Variants in PRKDC observed in about 807,000 individuals in gnomAD.
PRKDC encodes the protein DNA-dependent protein kinase catalytic subunit.
Under a neutral mutation model 486.9 loss-of-function variants are expected in PRKDC, and 82 were observed. The observed-to-expected ratio is 0.17, with a 90% confidence interval of 0.14 to 0.20. PRKDC has a LOEUF of 0.20. Among genes scored for constraint, PRKDC ranks in the 10% least tolerant of loss-of-function variants. PRKDC has a pLI of 1.00. For synonymous variants in PRKDC, 1,895 were observed against 1,837.0 expected, an observed-to-expected ratio of 1.03 and a Z score of -0.81; for missense variants, 4,504 against 5,038.2, an observed-to-expected ratio of 0.89 and a Z score of 3.21.
intron 27 of PRKDC, 35 bp downstream of exon 27, chr8:47,902,534 A>T: frequency 7.1e-7 from 1 of 1,414,074 alleles, no homozygotes; most frequent in Non-Finnish European, 9.3e-7. Context: ...TTTCAAAACC[A>T]CAAGTTTCTC....
At chr8:47,939,200 A>G (rs2090399259) in intron 11 of PRKDC, among the ~76,000 whole-genome samples, 1 of 152,226 alleles carries the variant, frequency 6.6e-6, no homozygotes, top group South Asian at 2.1e-4. Flanking sequence ...TTAACTGTTA[A>G]TAAACAATAC....
chr8:47,801,296 T>C (rs1192087218), intron 70 of PRKDC, among the ~76,000 whole-genome samples: 1 of 152,190 alleles, frequency 6.6e-6, no homozygotes, highest in Non-Finnish European at 1.5e-5. Flanking sequence ...GGTCTCGAAC[T>C]CCTGAGCTCT....
intron 54 of PRKDC, among the ~76,000 whole-genome samples, chr8:47,840,475 T>C (rs903661421): frequency 6.6e-6 from 1 of 152,348 alleles, no homozygotes; most frequent in African/African-American, 2.4e-5. Flanking sequence ...AATGTTCTAA[T>C]GTTAATTTCT....
At chr8:47,944,953 G>A (rs1017452722) in intron 7 of PRKDC, among the ~76,000 whole-genome samples, 12 of 152,242 alleles carry the variant, frequency 7.9e-5, no homozygotes, top group African/African-American at 2.9e-4. Context: ...TTCATGACAA[G>A]CAGATTTCTT....
At chr8:47,796,296 G>A (rs916730025) in intron 73 of PRKDC, among the ~76,000 whole-genome samples, 5 of 150,196 alleles carry the variant, frequency 3.3e-5, no homozygotes, top group Admixed American at 6.6e-5. Context: ...CCGAGATCAC[G>A]CCACTGCACT....
At chr8:47,925,997 C>T (rs1167414861) in intron 21 of PRKDC, among the ~76,000 whole-genome samples, 2 of 152,204 alleles carry the variant, frequency 1.3e-5, no homozygotes, top group Admixed American at 1.3e-4. Context: ...TCTCAATTAT[C>T]GAATCATCTA....
At chr8:47,805,988 A>G (rs536007587) in intron 69 of PRKDC, among the ~76,000 whole-genome samples, 31 of 152,228 alleles carry the variant, frequency 2.0e-4, no homozygotes, top group African/African-American at 6.7e-4. Context: ...GGAACCTTCA[A>G]TGGCCTCCTG....
In PRKDC at chr8:47,839,997, T is replaced by G; in HGVS notation, c.7454+19A>C. On this transcript the variant is annotated intron_variant, in intron 55 of 85. Transcript: ENST00000314191. ...ATCTCAAAAAAGTAACAAAATAAAA[T>G]AGTCAATGTATAGCTTACCTGTAAT... The G allele has an allele frequency of 6.7e-7, 1 of 1,498,986 alleles. No individual in the cohort carries two copies. The allele number at this position is 1,498,986 out of a possible 1,614,324, so 92.9% of individuals were successfully genotyped here.
intron 85 of PRKDC, 35 bp downstream of exon 85, chr8:47,776,783 TCCTCGAGAAACAGTAGCATGTCGGTA>T: frequency 6.3e-7 from 1 of 1,584,696 alleles, no homozygotes; most frequent in Admixed American, 1.8e-5. Context: ...ATATGTTGGC[TCCTCGAGAAACAGTAGCATGTCGGTA>T]GTCCGTTAGT....
chr8:47,880,284 C>A (rs1196371592), intron 38 of PRKDC, among the ~76,000 whole-genome samples: 1 of 152,160 alleles, frequency 6.6e-6, no homozygotes, highest in South Asian at 2.1e-4. Context: ...ATGTACTGTA[C>A]AAGCTTTGTG....
intron 22 of PRKDC, among the ~76,000 whole-genome samples, chr8:47,916,386 T>C (rs1389166391): frequency 1.3e-5 from 2 of 152,092 alleles, no homozygotes; most frequent in Middle Eastern, 6.8e-3. Flanking sequence ...AGGTGGAGGT[T>C]GCAGTGAGCA....
chr8:47,808,501 T>C (rs1470198401), intron 68 of PRKDC, among the ~76,000 whole-genome samples: 1 of 152,080 alleles, frequency 6.6e-6, no homozygotes, highest in Non-Finnish European at 1.5e-5. Flanking sequence ...CCTCACTATA[T>C]TGCCCAGCCT....
At chr8:47,931,523 T>G (rs780586774) in intron 16 of PRKDC, among the ~76,000 whole-genome samples, 2 of 151,996 alleles carry the variant, frequency 1.3e-5, no homozygotes, top group Non-Finnish European at 2.9e-5. Context: ...TAAAATTATT[T>G]TAGACATTTG....
At chr8:47,859,272 T>C (rs916329752) in intron 46 of PRKDC, among the ~76,000 whole-genome samples, 1 of 152,118 alleles carries the variant, frequency 6.6e-6, no homozygotes, top group Non-Finnish European at 1.5e-5. Flanking sequence ...CTGACCCCCA[T>C]CTATGGTCAC....
chr8:47,805,708 C>T (rs1317458868), intron 69 of PRKDC, among the ~76,000 whole-genome samples: 1 of 152,200 alleles, frequency 6.6e-6, no homozygotes, highest in African/African-American at 2.4e-5. Flanking sequence ...CTAATTCTCT[C>T]TCAAGCTTCA....
Position 47,807,216 on chromosome 8 carries a change from T to C in PRKDC, c.9668A>G (p.Gln3223Arg). The change falls in exon 69 of 86, where the codon CAG (glutamine) becomes CGG (arginine). Residue 3223 changes from glutamine (Q) to arginine (R), a missense_variant. Transcript: ENST00000314191. ...GATCAGGGAGCTGATATCTTCTTCCTGCTCTTGCACTTCCATCCTGTCACT... is the reference window on the plus strand; with the variant it reads ...GATCAGGGAGCTGATATCTTCTTCCCGCTCTTGCACTTCCATCCTGTCACT... ...DPSDRMEVQE[Q>R]EEDISSLIRS... is the part of the protein sequence containing the mutation. 6.2e-7 allele frequency: 1 copy of C among 1,614,002 alleles called. No individual in the cohort carries two copies. Among genetic ancestry groups the C allele is most frequent in the Non-Finnish European group, 8.5e-7 (1 of 1,179,868 alleles).
rs1238694092 is a variant in PRKDC at position 47,927,250 on chromosome 8, T to C, written c.2363A>G (p.Tyr788Cys). The change falls in exon 21 of 86, where the codon TAT becomes TGT. Residue 788 changes from tyrosine (Y) to cysteine (C), a missense_variant. Transcript: ENST00000314191. Reference sequence around the variant, plus strand: ...CAGGCAGGGGAGAATGTCTTTGTAATAAGGCTGCATTACATGTCTGTCAAT... The same window carrying C: ...CAGGCAGGGGAGAATGTCTTTGTAACAAGGCTGCATTACATGTCTGTCAAT... ...IYIDRHVMQP[Y>C]YKDILPCLDG... is the part of the protein sequence containing the mutation. 6.2e-7 allele frequency: 1 copy of C among 1,613,890 alleles called. No individual in the cohort carries two copies. The highest frequency in any genetic ancestry group is 2.2e-5 in the East Asian group (1 of 44,876).
chr8:47,929,164 C>T lies in PRKDC; in HGVS notation c.2067G>A (p.Lys689=). The T allele has an allele frequency of 6.4e-7, 1 of 1,573,260 alleles. No homozygotes were observed. Among genetic ancestry groups the T allele is most frequent in the Non-Finnish European group, 8.6e-7 (1 of 1,157,134 alleles). Residue 689 remains lysine, a synonymous_variant, in exon 19 of 86, where the codon AAG becomes AAA. Transcript: ENST00000314191. ...GGTCTTCAGGAGAGTGTTTCAGACT[C>T]TTTGGACTAACTCCCTGTCAAATAA... ...KIKYFEGVSP[K]SLKHSPEDPE...
chr8:47,897,693 T>C (rs1490954517), intron 29 of PRKDC, among the ~76,000 whole-genome samples: 3 of 152,140 alleles, frequency 2.0e-5, no homozygotes, highest in Non-Finnish European at 4.4e-5. Context: ...ACACAGAAAT[T>C]GAGGGTGGGG....
Sources: allele counts gnomAD v4.1 joint callset (sites outside exome capture counted in the v4.1 genomes callset), GRCh38; gene constraint gnomAD v4.1.1; transcripts MANE v1.5; gene names NCBI Gene and HGNC (gene_info 2026-07-23, HGNC 2026-07-21).